The following RSRC1 variants were observed in gnomAD, a reference collection of about 807,000 sequenced individuals.
RSRC1 encodes the protein arginine and serine rich coiled-coil 1, also known as serine/Arginine-related protein 53.
RSRC1 carries 39 observed loss-of-function variants against 49.1 expected under a neutral mutation model. That is an observed-to-expected ratio of 0.79 (90% CI 0.61 to 1.04). RSRC1 has a LOEUF of 1.04. RSRC1 is among the 50% of genes least tolerant of loss of function. The pLI, the probability that RSRC1 is intolerant of heterozygous loss-of-function variation, is 0.00. For synonymous variants in RSRC1, 143 were observed against 130.8 expected, an observed-to-expected ratio of 1.09 and a Z score of -0.63; for missense variants, 388 against 402.4, an observed-to-expected ratio of 0.96 and a Z score of 0.31.
chr3:158,503,116 G>A (rs74683724), intron 7 of RSRC1, among the ~76,000 whole-genome samples: 6,151 of 152,164 alleles, frequency 0.04, 167 homozygotes, highest in South Asian at 0.065. Flanking sequence ...TTCTATGGAC[G>A]TGGCTTCCTG....
At position 158,459,247 on chromosome 3, in the gene RSRC1, T is replaced by C. The variant is rs565471186; in HGVS notation, c.584-1688T>C. Among the ~76,000 whole-genome samples, 3 of 152,222 alleles carry C rather than the reference T, an allele frequency of 2.0e-5. No individual in the cohort carries two copies. The South Asian group carries it at 6.2e-4, about 32-fold the overall frequency. On this transcript the variant is annotated intron_variant, in intron 6 of 9. Coordinates refer to ENST00000611884, the MANE Select transcript of RSRC1 (RefSeq NM_001271838.2). Reference sequence around the variant, plus strand: ...ACATATAAAATAATATTCCTATGAATTGTCCATGTATAGCAACAAATCAGT... The same window carrying C: ...ACATATAAAATAATATTCCTATGAACTGTCCATGTATAGCAACAAATCAGT...
At position 158,124,641 on chromosome 3, in the gene RSRC1, G is replaced by A. The variant is rs541462369; in HGVS notation, c.320+650G>A. Among the ~76,000 whole-genome samples, 3 of 152,102 alleles carry A rather than the reference G, an allele frequency of 2.0e-5. 1 individual carries two copies. In the South Asian group the frequency reaches 6.2e-4, roughly 32 times the overall value. Reference sequence around the variant, plus strand: ...AGATTTTCTCTTCCTTCATGATTCAGTCTTGGTAGGTGGTATGTTTCTAGG... The same window carrying A: ...AGATTTTCTCTTCCTTCATGATTCAATCTTGGTAGGTGGTATGTTTCTAGG... On this transcript the variant is annotated intron_variant, in intron 3 of 9. Coordinates refer to ENST00000611884, the MANE Select transcript of RSRC1 (RefSeq NM_001271838.2).
At chr3:158,450,258 C>T (rs1736950280) in intron 6 of RSRC1, among the ~76,000 whole-genome samples, 1 of 150,546 alleles carries the variant, frequency 6.6e-6, no homozygotes, top group African/African-American at 2.4e-5. Context: ...AAATAACTTA[C>T]TTGTAAGGTT....
chr3:158,217,678 G>A (rs899348631), intron 4 of RSRC1, among the ~76,000 whole-genome samples: 1 of 150,560 alleles, frequency 6.6e-6, no homozygotes, highest in African/African-American at 2.4e-5. Context: ...CAGGCACTGG[G>A]TTGTGTCTTG....
chr3:158,200,116 C>G (rs1053490819), intron 3 of RSRC1, among the ~76,000 whole-genome samples: 1 of 152,172 alleles, frequency 6.6e-6, no homozygotes, highest in African/African-American at 2.4e-5. Flanking sequence ...TGGCTCACTG[C>G]AAGCTCCGTC....
chr3:158,210,187 A>G (rs756471904), intron 4 of RSRC1, among the ~76,000 whole-genome samples: 2 of 152,094 alleles, frequency 1.3e-5, no homozygotes, highest in African/African-American at 2.4e-5. Context: ...GGTGCAGAGC[A>G]TGCTTAGAAC....
intron 4 of RSRC1, among the ~76,000 whole-genome samples, chr3:158,248,037 A>G (rs1394583378): frequency 6.6e-6 from 1 of 152,196 alleles, no homozygotes; most frequent in Non-Finnish European, 1.5e-5. Context: ...TGAAGGTGCT[A>G]TATCCACTGG....
intron 6 of RSRC1, among the ~76,000 whole-genome samples, chr3:158,357,096 T>C (rs916997018): frequency 6.6e-6 from 1 of 152,220 alleles, no homozygotes; most frequent in East Asian, 1.9e-4. Flanking sequence ...CTTAGCTAAA[T>C]ACTCAAGTTT....
At chr3:158,494,932 ATATAG>A (rs1238110182) in intron 7 of RSRC1, among the ~76,000 whole-genome samples, 2 of 152,364 alleles carry the variant, frequency 1.3e-5, no homozygotes, top group Non-Finnish European at 2.9e-5. Flanking sequence ...ATGATAAAAA[ATATAG>A]TATAGTAAAC....
intron 3 of RSRC1, among the ~76,000 whole-genome samples, chr3:158,195,254 A>G (rs369092022): frequency 1.3e-5 from 2 of 151,792 alleles, no homozygotes; most frequent in East Asian, 1.9e-4. Context: ...GCCAGTGATG[A>G]TGAGCATTTT....
chr3:158,472,721 C>T (rs1738192745), intron 7 of RSRC1, among the ~76,000 whole-genome samples: 1 of 151,998 alleles, frequency 6.6e-6, no homozygotes, highest in African/African-American at 2.4e-5. Flanking sequence ...TGTTTGAGTT[C>T]TTTGTAGATT....
At chr3:158,513,511 A>T (rs1425806002) in intron 7 of RSRC1, among the ~76,000 whole-genome samples, 3 of 151,638 alleles carry the variant, frequency 2.0e-5, no homozygotes, top group Non-Finnish European at 4.4e-5. Context: ...TGCTGGATTC[A>T]GTTTGCCAGT....
At chr3:158,441,299 T>G (rs1033979625) in intron 6 of RSRC1, among the ~76,000 whole-genome samples, 1 of 152,128 alleles carries the variant, frequency 6.6e-6, no homozygotes, top group South Asian at 2.1e-4. Flanking sequence ...GTTAAACAGA[T>G]GAGCTGAAGA....
intron 3 of RSRC1, among the ~76,000 whole-genome samples, chr3:158,199,462 G>A (rs898256085): frequency 1.3e-5 from 2 of 151,872 alleles, no homozygotes; most frequent in African/African-American, 4.8e-5. Flanking sequence ...TAATTTTATT[G>A]ATATTCTCAG....
chr3:158,124,650 G>C (rs1040943882), intron 3 of RSRC1, among the ~76,000 whole-genome samples: 1 of 151,990 alleles, frequency 6.6e-6, no homozygotes, highest in African/African-American at 2.4e-5. Context: ...AGTCTTGGTA[G>C]GTGGTATGTT....
intron 5 of RSRC1, among the ~76,000 whole-genome samples, chr3:158,319,027 A>T (rs2108161787): frequency 6.6e-6 from 1 of 152,300 alleles, no homozygotes; most frequent in South Asian, 2.1e-4. Flanking sequence ...AAACATTGTC[A>T]TGAGGTTCGA....
At chr3:158,329,179 C>T (rs565556965) in intron 5 of RSRC1, among the ~76,000 whole-genome samples, 1 of 152,280 alleles carries the variant, frequency 6.6e-6, no homozygotes, top group South Asian at 2.1e-4. Context: ...GCATTGGGAT[C>T]GAACTTCCTC....
At chr3:158,394,900 A>G (rs1252733716) in intron 6 of RSRC1, among the ~76,000 whole-genome samples, 1 of 152,188 alleles carries the variant, frequency 6.6e-6, no homozygotes, top group Non-Finnish European at 1.5e-5. Flanking sequence ...AGCAAAAAGA[A>G]CAAAGCTGGA....
chr3:158,355,359 T>C (rs1192345213), intron 6 of RSRC1, among the ~76,000 whole-genome samples: 1 of 151,740 alleles, frequency 6.6e-6, no homozygotes. Flanking sequence ...CTTTTATTTA[T>C]ATAAAATATA....
Sources: allele counts gnomAD v4.1 joint callset (sites outside exome capture counted in the v4.1 genomes callset), GRCh38; gene constraint gnomAD v4.1.1; transcripts MANE v1.5; gene names NCBI Gene and HGNC (gene_info 2026-07-23, HGNC 2026-07-21).